The following CACNG7 variants were observed in gnomAD, a reference collection of about 807,000 sequenced individuals.
CACNG7 encodes voltage-dependent calcium channel gamma-7 subunit.
In CACNG7, 9 loss-of-function variants were observed where a neutral mutation model predicts 26.3. That is an observed-to-expected ratio of 0.34 (90% CI 0.21 to 0.60). The LOEUF (loss-of-function observed/expected upper bound fraction) is 0.60, where lower values mean the gene tolerates loss of function less well. CACNG7 is among the 20% of genes least tolerant of loss of function. CACNG7 has a pLI of 0.81. For synonymous variants in CACNG7, 170 were observed against 157.0 expected (o/e 1.08, Z -0.62); for missense variants, 297 against 380.4 (o/e 0.78, Z 1.82).
At chr19:53,920,136 GC>G (rs2068930527) in intron 4 of CACNG7, among the ~76,000 whole-genome samples, 1 of 100,838 alleles carries the variant, frequency 9.9e-6, no homozygotes, top group African/African-American at 4.8e-5. Context: ...TGGTGGACTT[GC>G]CCCAGGTCTG....
intron 1 of CACNG7, among the ~76,000 whole-genome samples, chr19:53,911,645 C>T (rs1294525441): frequency 6.6e-6 from 1 of 152,094 alleles, no homozygotes; most frequent in Non-Finnish European, 1.5e-5. Context: ...AAGCTGAGAT[C>T]GGCTACCTGG....
chr19:53,942,299 G>A lies in CACNG7; in HGVS notation c.*6G>A, dbSNP rs771649508. On this transcript the variant is annotated 3_prime_UTR_variant, in exon 6 of 6. Transcript: ENST00000391767. This position sits in a 1 kb window ranked among gnomAD's most constrained non-coding sequence, Gnocchi z 5.9. ...TCTCCACCTCGCCCTGCTGAGGCCC[G>A]CCCCTCGGAGCTCCCCCTGCCTCCT... 4 of 1,601,926 alleles carry A rather than the reference G, an allele frequency of 2.5e-6. No individual in the cohort carries two copies. Among genetic ancestry groups the A allele is most frequent in the Non-Finnish European group, 3.4e-6 (4 of 1,174,490 alleles).
At chr19:53,922,561 T>A (rs1169949475) in intron 4 of CACNG7, among the ~76,000 whole-genome samples, 3 of 73,972 alleles carry the variant, frequency 4.1e-5, no homozygotes, top group Admixed American at 1.2e-4. Context: ...TTGCCCCAGG[T>A]CTGGTCATTG....
chr19:53,930,944 G>C (rs2069067688), intron 4 of CACNG7, among the ~76,000 whole-genome samples: 2 of 152,200 alleles, frequency 1.3e-5, no homozygotes, highest in South Asian at 4.2e-4. Flanking sequence ...GGGTGCTGTG[G>C]CCTCACTTTG....
intron 4 of CACNG7, among the ~76,000 whole-genome samples, chr19:53,926,602 A>G (rs774558793): frequency 6.6e-6 from 1 of 152,062 alleles, no homozygotes. Flanking sequence ...TTCTTGTATC[A>G]GAATGTAATC....
chr19:53,923,253 T>TCCCAGGTCTGGTCATTGGTGCAGTTGC (rs2068980885), intron 4 of CACNG7, among the ~76,000 whole-genome samples: 3 of 53,744 alleles, frequency 5.6e-5, no homozygotes, highest in South Asian at 9.6e-4. Flanking sequence ...GGTGGAGTTG[T>TCCCAGGTCTGGTCATTGGTGCAGTTGC]CCCAGGTCTG....
rs774720326 is a variant in CACNG7 at position 53,942,053 on chromosome 19, C to A, written c.588C>A (p.Ser196=). 6.8e-6 allele frequency: 11 copies of A among 1,610,394 alleles called. No individual in the cohort carries two copies. Among genetic ancestry groups the A allele is most frequent in the Non-Finnish European group, 9.3e-6 (11 of 1,177,868 alleles). The change falls in exon 6 of 6, where the codon TCC becomes TCA. Residue 196 remains serine (S), a synonymous_variant. Coordinates refer to ENST00000391767, the MANE Select transcript of CACNG7 (RefSeq NM_031896.5). This position sits in a 1 kb window ranked among gnomAD's most constrained non-coding sequence, Gnocchi z 5.9. ...FLLKEGAGVM[S]VYLFTKRYAE... ...TGCCGCAGGGGGCCGGCGTGATGTC[C>A]GTGTACCTGTTCACCAAGCGCTACG...
intron 4 of CACNG7, among the ~76,000 whole-genome samples, chr19:53,936,036 A>ATT (rs879478631): frequency 8.3e-6 from 1 of 120,280 alleles, no homozygotes; most frequent in Non-Finnish European, 1.8e-5. Context: ...GTCTCCTTTC[A>ATT]TTTTTTTTTT....
chr19:53,919,323 A>G (rs79085150), intron 4 of CACNG7, among the ~76,000 whole-genome samples: 8,109 of 152,036 alleles, frequency 0.053, 678 homozygotes, highest in African/African-American at 0.18. Flanking sequence ...ATTGCCCCAG[A>G]CCTGGTCATT....
At chr19:53,915,005 C>CA (rs1360776773) in intron 3 of CACNG7, among the ~76,000 whole-genome samples, 5,397 of 117,804 alleles carry the variant, frequency 0.046, 384 homozygotes, top group African/African-American at 0.16. Context: ...GACTCTGTCT[C>CA]AAAAAAAAAA....
At chr19:53,910,043 G>A (rs1242376876) in intron 1 of CACNG7, among the ~76,000 whole-genome samples, 1 of 152,138 alleles carries the variant, frequency 6.6e-6, no homozygotes, top group Non-Finnish European at 1.5e-5. Context: ...AAAGGCTGGA[G>A]GAATAAGGAG....
chr19:53,941,737 T>C (rs2145921591), intron 5 of CACNG7, 122 bp downstream of exon 5: 2 of 1,248,830 alleles, frequency 1.6e-6, no homozygotes, highest in East Asian at 2.4e-5. Context: ...AGGGAGGTGG[T>C]AGCTGAGGGT....
rs150041291 is a variant in CACNG7, at chr19:53,930,395, C to T, written c.425-11075C>T. 5.0e-3 allele frequency among the ~76,000 whole-genome samples: 756 copies of T among 152,050 alleles called. 9 individuals are homozygous for T. The highest frequency in any genetic ancestry group is 0.018 in the African/African-American group (730 of 41,468). Reference sequence around the variant, plus strand: ...GGCTAATTTTTTTTTAAATTTGAGACGGAGTCTCACTCTTTTGCCCAGGCT... The same window carrying T: ...GGCTAATTTTTTTTTAAATTTGAGATGGAGTCTCACTCTTTTGCCCAGGCT... On this transcript the variant is annotated intron_variant, in intron 4 of 5. Coordinates refer to ENST00000391767, the MANE Select transcript of CACNG7 (RefSeq NM_031896.5).
At chr19:53,941,255 G>GT (rs2069135668) in intron 4 of CACNG7, among the ~76,000 whole-genome samples, 1 of 152,080 alleles carries the variant, frequency 6.6e-6, no homozygotes, top group East Asian at 1.9e-4. Context: ...ATTGTATTGT[G>GT]AGCTCCTGGA....
rs527252053 is a variant in CACNG7 at position 53,942,546 on chromosome 19, G to A, written c.*253G>A. On this transcript the variant is annotated 3_prime_UTR_variant, in exon 6 of 6. Coordinates refer to ENST00000391767, the MANE Select transcript of CACNG7 (RefSeq NM_031896.5). This position sits in a 1 kb window ranked among gnomAD's most constrained non-coding sequence, Gnocchi z 5.9. ...CCCAAATGACTCCTCCCCTTCGTTG[G>A]CCCGCCCCTTTCCTCTGGCCCCTCC... The A allele has an allele frequency of 4.9e-4, 679 of 1,381,276 alleles. 6 individuals are homozygous for A. In the South Asian group the frequency reaches 0.011, roughly 23 times the overall value. 85.6% of individuals were successfully genotyped at this position (1,381,276 alleles called of 1,614,324 possible).
chr19:53,925,644 TGTGGAGAAACCA>T (rs1180175379), intron 4 of CACNG7, among the ~76,000 whole-genome samples: 5 of 152,186 alleles, frequency 3.3e-5, no homozygotes, highest in African/African-American at 1.2e-4. Flanking sequence ...GGCATTCAAT[TGTGGAGAAACCA>T]GTGGAAGGGC....
At chr19:53,914,653 AG>A in intron 3 of CACNG7, 67 bp downstream of exon 3, 1 of 1,402,408 alleles carries the variant, frequency 7.1e-7, no homozygotes, top group Non-Finnish European at 1.0e-6. Context: ...GAGTCCTGGG[AG>A]GGGGCAGGAC....
At chr19:53,929,672 G>A (rs2069058376) in intron 4 of CACNG7, among the ~76,000 whole-genome samples, 1 of 152,066 alleles carries the variant, frequency 6.6e-6, no homozygotes, top group South Asian at 2.1e-4. Context: ...GGCCAGGCTG[G>A]TCTCAAGTGA....
chr19:53,942,396 A>AC lies in CACNG7; in HGVS notation c.*106dup, dbSNP rs751213869. On this transcript the variant is annotated 3_prime_UTR_variant, in exon 6 of 6. Transcript: ENST00000391767. The surrounding 1 kb of genome is among the most constrained non-coding windows in gnomAD (Gnocchi z 5.9). Reference sequence around the variant, plus strand: ...TCCGTCCTCGGGACTCCTCGCTCCCACCCGGAGGAGGCTGCGCCAGCTTTA... The same window carrying AC: ...TCCGTCCTCGGGACTCCTCGCTCCCACCCCGGAGGAGGCTGCGCCAGCTTTA... 27 of 1,512,354 alleles carry AC rather than the reference A, an allele frequency of 1.8e-5. No homozygotes were observed. The highest frequency in any genetic ancestry group is 2.4e-5 in the Non-Finnish European group (27 of 1,133,330). 93.7% of individuals were successfully genotyped at this position (1,512,354 alleles called of 1,614,324 possible).
Sources: allele counts gnomAD v4.1 joint callset (sites outside exome capture counted in the v4.1 genomes callset), GRCh38; gene constraint gnomAD v4.1.1; non-coding constraint Gnocchi (gnomAD v3.1); transcripts MANE v1.5; gene names NCBI Gene and HGNC (gene_info 2026-07-23, HGNC 2026-07-21).